GATD1: variants seen among roughly 807,000 people sequenced by gnomAD.
GATD1 encodes glutamine amidotransferase class 1 domain containing 1, also known as glutamine amidotransferase-like class 1 domain-containing protein 1.
In GATD1, 23 loss-of-function variants were observed where a neutral mutation model predicts 25.9. The ratio of observed to expected loss-of-function variants is 0.89; its 90% CI spans 0.64 to 1.26. The LOEUF (loss-of-function observed/expected upper bound fraction) is 1.26. Ranked by LOEUF, GATD1 falls within the 50% of genes most tolerant of loss-of-function variation. The pLI is 0.00. For missense variants in GATD1, 347 were observed against 312.5 expected (o/e 1.11, Z -0.83); for synonymous variants, 177 against 134.6 (o/e 1.31, Z -2.18).
chr11:772,486 G>A lies in GATD1; in HGVS notation c.391C>T (p.Leu131=), dbSNP rs1348744134. 13 of 1,613,032 alleles carry A rather than the reference G, an allele frequency of 8.1e-6. No homozygotes were observed. The East Asian group carries it at 2.7e-4, about 33-fold the overall frequency. ...ICAVGHGVAA[L]CCATNEDRSW... is the part of the protein sequence containing the mutation. ...CTGTCCTCGTTGGTGGCACAGCACAGGGCGGCGACACCGTGGCCGACGGCG... is the reference window on the plus strand; with the variant it reads ...CTGTCCTCGTTGGTGGCACAGCACAAGGCGGCGACACCGTGGCCGACGGCG... Residue 131 remains leucine (L), a synonymous_variant, in exon 5 of 8, where the codon CTG becomes TTG. Transcript: ENST00000319863.
Position 774,065 on chromosome 11 carries a change from C to T in GATD1, c.190G>A (p.Val64Met). The T allele has an allele frequency of 6.2e-7, 1 of 1,613,740 alleles. No individual in the cohort carries two copies. Among genetic ancestry groups the T allele is most frequent in the Non-Finnish European group, 8.5e-7 (1 of 1,180,008 alleles). Residue 64 changes from valine (V) to methionine (M), a missense_variant, in exon 3 of 8, where the codon GTG (valine) becomes ATG (methionine). Val to Met is a conservative substitution (Grantham distance 21). Transcript: ENST00000319863. ...TAAGCCTTGAGGCGGAAGTCTTGCA[C>T]CCAGCGTGCATTGCTCTCAGTCACA... is the stretch of plus-strand genomic sequence containing the variant. ...VDVTESNARW[V>M]QDFRLKAYAS...
intron 1 of GATD1, among the ~76,000 whole-genome samples, chr11:775,760 G>C: frequency 6.6e-6 from 1 of 151,910 alleles, no homozygotes; most frequent in African/African-American, 2.4e-5. Context: ...AGCATCCTTC[G>C]GCCCCTCAAA....
In GATD1 at chr11:770,745, T is replaced by A; in HGVS notation, c.*152A>T. ...GAGCCGACACCCCCTCAGAGCTGAT[T>A]CCAGGAGGCCTCCAACAATCCCATC... is the stretch of plus-strand genomic sequence containing the variant. On this transcript the variant is annotated 3_prime_UTR_variant, in exon 8 of 8. Transcript: ENST00000319863. 3 of 1,497,432 alleles carry A rather than the reference T, an allele frequency of 2.0e-6. No individual in the cohort carries two copies. The highest frequency in any genetic ancestry group is 2.7e-6 in the Non-Finnish European group (3 of 1,129,622). The allele number at this position is 1,497,432 out of a possible 1,614,324, so 92.8% of individuals were successfully genotyped here.
chr11:775,400 G>C (rs928664303), intron 1 of GATD1, among the ~76,000 whole-genome samples: 9 of 152,358 alleles, frequency 5.9e-5, no homozygotes, highest in African/African-American at 2.2e-4. Context: ...CCCCGGGCCT[G>C]CATCCCCCAT....
In GATD1 at chr11:769,372, G is replaced by A. The variant is rs925926739; in HGVS notation, c.*1525C>T. The A allele has an allele frequency of 3.9e-5, 34 of 882,618 alleles. No individual in the cohort carries two copies. The highest frequency in any genetic ancestry group is 4.5e-5 in the Non-Finnish European group (33 of 736,456). The allele number at this position is 882,618 out of a possible 1,614,324, so 54.7% of individuals were successfully genotyped here. On this transcript the variant is annotated 3_prime_UTR_variant, in exon 8 of 8. Transcript: ENST00000319863. ...AGTTTCACTCATTGCCCAGGTTGGAGTGCAATGGCGCAATCTTGGCTCACT... is the reference window on the plus strand; with the variant it reads ...AGTTTCACTCATTGCCCAGGTTGGAATGCAATGGCGCAATCTTGGCTCACT...
intron 2 of GATD1, among the ~76,000 whole-genome samples, chr11:774,318 C>A (rs551772195): frequency 3.5e-4 from 53 of 152,346 alleles, no homozygotes; most frequent in Non-Finnish European, 5.4e-4. Context: ...CCTAGCCAAC[C>A]CACCAACCAA....
intron 2 of GATD1, among the ~76,000 whole-genome samples, chr11:774,316 A>C (rs1323685655): frequency 1.3e-5 from 2 of 152,238 alleles, no homozygotes; most frequent in Non-Finnish European, 1.5e-5. Flanking sequence ...TTCCTAGCCA[A>C]CCCACCAACC....
In GATD1 at chr11:770,762, A is replaced by C; in HGVS notation, c.*135T>G. ...GAGCTGATTCCAGGAGGCCTCCAAC[A>C]ATCCCATCAGGGCCAGACCAGGCTG... is the stretch of plus-strand genomic sequence containing the variant. On this transcript the variant is annotated 3_prime_UTR_variant, in exon 8 of 8. Transcript: ENST00000319863. 6.6e-7 allele frequency: 1 copy of C among 1,509,058 alleles called. No individual in the cohort carries two copies. Among genetic ancestry groups the C allele is most frequent in the Non-Finnish European group, 8.8e-7 (1 of 1,133,348 alleles). The allele number at this position is 1,509,058 out of a possible 1,614,324, so 93.5% of individuals were successfully genotyped here.
Position 771,013 on chromosome 11 carries a change from C to T in GATD1, c.636G>A (p.Leu212=). 2 of 1,613,372 alleles carry T rather than the reference C, an allele frequency of 1.2e-6. No homozygotes were observed. The highest frequency in any genetic ancestry group is 1.7e-6 in the Non-Finnish European group (2 of 1,179,998). The change falls in exon 7 of 8, where the codon CTG becomes CTA. Residue 212 remains leucine (L), a synonymous_variant. Transcript: ENST00000319863. ...ASSTVPAVQN[L]LFLCGSRK Reference sequence around the variant, plus strand: ...CTCACCGGCTGCCACAGAGGAAGAGCAGGTTCTGCACGGCCGGGACAGTGG... The same window carrying T: ...CTCACCGGCTGCCACAGAGGAAGAGTAGGTTCTGCACGGCCGGGACAGTGG...
intron 2 of GATD1, 46 bp downstream of exon 2, chr11:775,020 G>T: frequency 6.5e-7 from 1 of 1,543,124 alleles, no homozygotes; most frequent in East Asian, 2.3e-5. Flanking sequence ...CGGAGAGGTG[G>T]AGACAGACCC....
rs1252909206 is a variant in GATD1 at position 774,015 on chromosome 11, G to A, written c.240C>T (p.Ser80=). Residue 80 remains serine, a synonymous_variant, in exon 3 of 8, where the codon TCC becomes TCT. Coordinates refer to ENST00000319863, the MANE Select transcript of GATD1 (RefSeq NM_182612.4). The stretch of plus-strand genomic sequence containing the variant: ...AGTGGGTCCCGGGCCTACCATCGAT[G>A]GACTCGAGCTTGGCGGGGCTGGCGT... ...KAYASPAKLE[S]IDGARYHALL... The A allele has an allele frequency of 3.1e-6, 5 of 1,613,450 alleles. No individual in the cohort carries two copies. The highest frequency in any genetic ancestry group is 2.7e-5 in the African/African-American group (2 of 74,940).
chr11:773,941 T>C, intron 3 of GATD1, 67 bp downstream of exon 3: 1 of 1,453,124 alleles, frequency 6.9e-7, no homozygotes, highest in South Asian at 1.2e-5. Flanking sequence ...ACCCCAAACC[T>C]ATCTGGAACC....
chr11:775,651 T>A (rs7948539), intron 1 of GATD1, among the ~76,000 whole-genome samples: 69,062 of 152,012 alleles, frequency 0.45, 16,067 homozygotes, highest in East Asian at 0.56. Flanking sequence ...AACGCAGAAG[T>A]GTCCTGGCCC....
intron 6 of GATD1, 48 bp from the exon 7 acceptor site, chr11:771,152 A>G (rs1280560993): frequency 3.2e-6 from 5 of 1,551,892 alleles, no homozygotes; most frequent in Non-Finnish European, 4.3e-6. Flanking sequence ...CACCTCACCC[A>G]CTGAGAGCCT....
At position 770,099 on chromosome 11, in the gene GATD1, TG is replaced by T; in HGVS notation, c.*797del. On this transcript the variant is annotated 3_prime_UTR_variant, in exon 8 of 8. Transcript: ENST00000319863. Reference sequence around the variant, plus strand: ...TAAGCCTCTCCTGGACGCCCTAACCTGGGGCCAGGGGGCAGCCCGCTGGAGG... The same window carrying T: ...TAAGCCTCTCCTGGACGCCCTAACCTGGGCCAGGGGGCAGCCCGCTGGAGG... 1 of 1,216,852 alleles carries T rather than the reference TG, an allele frequency of 8.2e-7. No individual in the cohort carries two copies. Among genetic ancestry groups the T allele is most frequent in the Non-Finnish European group, 1.0e-6 (1 of 978,180 alleles). 75.4% of individuals were successfully genotyped at this position (1,216,852 alleles called of 1,614,324 possible).
In GATD1 at chr11:770,615, C is replaced by T. The variant is rs1863342418; in HGVS notation, c.*282G>A. 1 of 1,412,158 alleles carries T rather than the reference C, an allele frequency of 7.1e-7. No individual in the cohort carries two copies. The highest frequency in any genetic ancestry group is 1.6e-5 in the South Asian group (1 of 61,052). 87.5% of individuals were successfully genotyped at this position (1,412,158 alleles called of 1,614,324 possible). A position where few individuals can be genotyped will look rare whatever the true frequency, so the allele number is the denominator to read the frequency against. ...CCCTAGAAAACCCAGCCTGGAATTC[C>T]CGAGGACCACCTAGCAGCTAGCACA... On this transcript the variant is annotated 3_prime_UTR_variant, in exon 8 of 8. Transcript: ENST00000319863.
At position 769,327 on chromosome 11, in the gene GATD1, A is replaced by AT. The variant is rs557246633; in HGVS notation, c.*1569dup. The AT allele has an allele frequency of 1.5e-3, 1,485 of 980,182 alleles. 23 individuals are homozygous for AT. In the African/African-American group the frequency reaches 0.025, roughly 16 times the overall value. The allele number at this position is 980,182 out of a possible 1,614,324, so 60.7% of individuals were successfully genotyped here. A position where few individuals can be genotyped will look rare whatever the true frequency, so the allele number is the denominator to read the frequency against. On this transcript the variant is annotated 3_prime_UTR_variant, in exon 8 of 8. Transcript: ENST00000319863. ...CCTTATTGAACGGCTTTATTTTATT[A>AT]TTTTTTATTTTTGAGACGGAGTTTC...
rs1590081730 is a variant in GATD1, at chr11:770,536, A to G, written c.*361T>C. ...ACAGCAGGGCAAACCCACACAGAGG[A>G]CCCCCGAGCCGACTCTGTCTAGTCA... is the stretch of plus-strand genomic sequence containing the variant. On this transcript the variant is annotated 3_prime_UTR_variant, in exon 8 of 8. Transcript: ENST00000319863. 2 of 1,407,178 alleles carry G rather than the reference A, an allele frequency of 1.4e-6. No individual in the cohort carries two copies. The highest frequency in any genetic ancestry group is 1.8e-6 in the Non-Finnish European group (2 of 1,082,078). The allele number at this position is 1,407,178 out of a possible 1,614,324, so 87.2% of individuals were successfully genotyped here. A position where few individuals can be genotyped will look rare whatever the true frequency, so the allele number is the denominator to read the frequency against.
In GATD1 at chr11:770,153, G is replaced by C. The variant is rs1565003263; in HGVS notation, c.*744C>G. On this transcript the variant is annotated 3_prime_UTR_variant, in exon 8 of 8. Coordinates refer to ENST00000319863, the MANE Select transcript of GATD1 (RefSeq NM_182612.4). ...CACAGCCCAGGCCAGGTGCCCAGCA[G>C]GCTGGACCACTGTCTGCTCTTGATA... The C allele has an allele frequency of 4.0e-6, 5 of 1,259,198 alleles. No individual in the cohort carries two copies. Among genetic ancestry groups the C allele is most frequent in the Non-Finnish European group, 5.0e-6 (5 of 1,000,934 alleles). 78.0% of individuals were successfully genotyped at this position (1,259,198 alleles called of 1,614,324 possible).
Sources: gnomAD v4.1 joint callset for allele counts (sites outside exome capture counted in the v4.1 genomes callset) on GRCh38, gnomAD v4.1.1 for gene constraint, MANE v1.5 for transcripts, NCBI Gene and HGNC (gene_info 2026-07-23, HGNC 2026-07-21) for gene names.